PPARA: variants seen among roughly 807,000 people sequenced by gnomAD.
PPARA encodes the protein peroxisome proliferator activated receptor alpha, also known as peroxisome proliferator-activated receptor alpha.
In PPARA, 22 loss-of-function variants were observed where a neutral mutation model predicts 42.2. That is an observed-to-expected ratio of 0.52 (90% CI 0.37 to 0.74). The LOEUF (loss-of-function observed/expected upper bound fraction) is 0.74. Ranked by LOEUF, PPARA falls within the 30% of genes least tolerant of loss-of-function variation. PPARA has a pLI of 0.00. For synonymous variants in PPARA, 242 were observed against 239.3 expected (o/e 1.01, Z -0.10); for missense variants, 465 against 608.2 (o/e 0.76, Z 2.48).
Position 46,240,406 on chromosome 22 carries a change from C to A in PPARA, c.*5026C>A. On this transcript the variant is annotated 3_prime_UTR_variant, in exon 9 of 9. Transcript: ENST00000407236. The surrounding 1 kb of genome is among the most constrained non-coding windows in gnomAD (Gnocchi z 6.0). Reference sequence around the variant, plus strand: ...TCTAGACTCTTGCACCTGGTGAGTGCAAGGATAGGTGACCCAGGGGCCTGC... The same window carrying A: ...TCTAGACTCTTGCACCTGGTGAGTGAAAGGATAGGTGACCCAGGGGCCTGC... 1 of 396,124 alleles carries A rather than the reference C, an allele frequency of 2.5e-6. No individual in the cohort carries two copies. Among genetic ancestry groups the A allele is most frequent in the Non-Finnish European group, 4.4e-6 (1 of 225,046 alleles). 24.5% of individuals were successfully genotyped at this position (396,124 alleles called of 1,614,324 possible).
intron 7 of PPARA, among the ~76,000 whole-genome samples, chr22:46,223,650 A>T (rs1194562844): frequency 6.1e-5 from 9 of 146,372 alleles, no homozygotes; most frequent in Non-Finnish European, 1.2e-4. Context: ...CTCAAAAAAA[A>T]AAAAAAAAGA....
Position 46,156,882 on chromosome 22 carries a change from G to A in PPARA, c.-127+4912G>A, listed in dbSNP as rs943552775. 1.2e-4 allele frequency among the ~76,000 whole-genome samples: 19 copies of A among 152,206 alleles called. No individual in the cohort carries two copies. Among genetic ancestry groups the A allele is most frequent in the Non-Finnish European group, 2.8e-4 (19 of 68,044 alleles). ...CTCCCAAAGTCTTAGGATTACAGGC[G>A]TGAGCCACCACACCCGGCCTCCTGT... On this transcript the variant is annotated intron_variant, in intron 2 of 8. Transcript: ENST00000407236. The surrounding 1 kb of genome is among the most constrained non-coding windows in gnomAD (Gnocchi z 5.2).
In PPARA at chr22:46,161,479, G is replaced by A. The variant is rs1926160435; in HGVS notation, c.-127+9509G>A. On this transcript the variant is annotated intron_variant, in intron 2 of 8. Coordinates refer to ENST00000407236, the MANE Select transcript of PPARA (RefSeq NM_005036.6). This position sits in a 1 kb window ranked among gnomAD's most constrained non-coding sequence, Gnocchi z 4.8. ...GGTATGGCTGTAGTCCCAGCTACTC[G>A]GGAGGCTGAGGCAGGAGAATCACTT... Among the ~76,000 whole-genome samples the A allele has an allele frequency of 1.3e-5, 2 of 152,210 alleles. No individual in the cohort carries two copies. Among genetic ancestry groups the A allele is most frequent in the East Asian group, 3.9e-4 (2 of 5,174 alleles).
In PPARA at chr22:46,234,968, G is replaced by A. The variant is rs1021355865; in HGVS notation, c.1160-165G>A. On this transcript the variant is annotated intron_variant, in intron 8 of 8. Coordinates refer to ENST00000407236, the MANE Select transcript of PPARA (RefSeq NM_005036.6). The surrounding 1 kb of genome is among the most constrained non-coding windows in gnomAD (Gnocchi z 5.8). Reference sequence around the variant, plus strand: ...TGTCCCTACTTCACCTATTGACTTTGGAAAAACCTATGTCTATCTTCCAGT... The same window carrying A: ...TGTCCCTACTTCACCTATTGACTTTAGAAAAACCTATGTCTATCTTCCAGT... Among the ~76,000 whole-genome samples, 4 of 152,090 alleles carry A rather than the reference G, an allele frequency of 2.6e-5. No homozygotes were observed. The highest frequency in any genetic ancestry group is 1.3e-4 in the Admixed American group (2 of 15,272).
At position 46,225,315 on chromosome 22, in the gene PPARA, G is replaced by A. The variant is rs1935330952; in HGVS notation, c.711+5301G>A. The stretch of plus-strand genomic sequence containing the variant: ...CCTTGATTTGAGGGTAACAGGGATG[G>A]AAGCAGAGTCAGGGGGCTGAGGGAG... On this transcript the variant is annotated intron_variant, in intron 7 of 8. Coordinates refer to ENST00000407236, the MANE Select transcript of PPARA (RefSeq NM_005036.6). This position sits in a 1 kb window ranked among gnomAD's most constrained non-coding sequence, Gnocchi z 4.1. Among the ~76,000 whole-genome samples the A allele has an allele frequency of 6.6e-6, 1 of 152,172 alleles. No homozygotes were observed. The highest frequency in any genetic ancestry group is 1.5e-5 in the Non-Finnish European group (1 of 68,036).
At position 46,205,116 on chromosome 22, in the gene PPARA, G is replaced by A. The variant is rs138743873; in HGVS notation, c.208+6525G>A. Reference sequence around the variant, plus strand: ...TGGACTCAAGCGACCCTCCCACTTCGGCCTCCCAAAGTGCTGGGATTACAG... The same window carrying A: ...TGGACTCAAGCGACCCTCCCACTTCAGCCTCCCAAAGTGCTGGGATTACAG... On this transcript the variant is annotated intron_variant, in intron 4 of 8. Transcript: ENST00000407236. Among the ~76,000 whole-genome samples, 686 of 151,898 alleles carry A rather than the reference G, an allele frequency of 4.5e-3. 1 individual carries two copies. The highest frequency in any genetic ancestry group is 6.6e-3 in the Non-Finnish European group (449 of 67,948).
rs1433379293 is a variant in PPARA, at chr22:46,218,347, A to G, written c.454A>G (p.Lys152Glu). Residue 152 changes from lysine (K) to glutamate (E), a missense_variant, in exon 6 of 9, where the codon AAA becomes GAA. By Grantham distance (56) the Lys-to-Glu change is moderately conservative. This residue lies in a region of PPARA where 313 missense variants were observed against 469.1 expected (regional missense o/e 0.67). Transcript: ENST00000407236. ...SCKIQKKNRN[K>E]CQYCRFHKCL... Reference sequence around the variant, plus strand: ...CAAGATCCAGAAAAAGAACAGAAACAAATGCCAGTATTGTCGATTTCACAA... The same window carrying G: ...CAAGATCCAGAAAAAGAACAGAAACGAATGCCAGTATTGTCGATTTCACAA... 1.9e-6 allele frequency: 3 copies of G among 1,614,048 alleles called. No individual in the cohort carries two copies. The highest frequency in any genetic ancestry group is 2.2e-5 in the East Asian group (1 of 44,894).
chr22:46,186,351 A>T (rs1930801085), intron 3 of PPARA, among the ~76,000 whole-genome samples: 1 of 152,034 alleles, frequency 6.6e-6, no homozygotes, highest in Non-Finnish European at 1.5e-5. Context: ...AGTTTATTCA[A>T]GGGTGTATTT....
At chr22:46,207,683 T>TA (rs1569228343) in intron 4 of PPARA, among the ~76,000 whole-genome samples, 42 of 112,252 alleles carry the variant, frequency 3.7e-4, no homozygotes, top group East Asian at 1.8e-3. Context: ...TATTATTTTT[T>TA]TTTTTTTTTT....
intron 2 of PPARA, chr22:46,164,511 C>G (rs1926739756): frequency 6.6e-6 from 1 of 152,268 alleles, no homozygotes; most frequent in Non-Finnish European, 1.5e-5. Flanking sequence ...CCTCGGCCTC[C>G]CAAAGTGCTG....
At position 46,225,960 on chromosome 22, in the gene PPARA, TC is replaced by T. The variant is rs1419192802; in HGVS notation, c.712-5830del. Among the ~76,000 whole-genome samples, 2 of 149,992 alleles carry T rather than the reference TC, an allele frequency of 1.3e-5. No individual in the cohort carries two copies. The highest frequency in any genetic ancestry group is 3.9e-4 in the East Asian group (2 of 5,074). ...ACACATGCACCCAGGCACACACAAATCCACATTCACCCATACAGTCACACAC... is the reference window on the plus strand; with the variant it reads ...ACACATGCACCCAGGCACACACAAATCACATTCACCCATACAGTCACACAC... On this transcript the variant is annotated intron_variant, in intron 7 of 8. Transcript: ENST00000407236. The surrounding 1 kb of genome is among the most constrained non-coding windows in gnomAD (Gnocchi z 4.1).
intron 4 of PPARA, among the ~76,000 whole-genome samples, chr22:46,205,564 T>G (rs1227427804): frequency 1.4e-5 from 1 of 71,146 alleles, no homozygotes; most frequent in African/African-American, 5.1e-5. Flanking sequence ...ATTTTTTTTT[T>G]TTTTTTTTTT....
In PPARA at chr22:46,227,728, C is replaced by T. The variant is rs995557211; in HGVS notation, c.712-4064C>T. ...AAAATCTAGGCAGCTTCCTGCCTCA[C>T]GCTGTTTAAAACCTTTATAATGTGC... is the stretch of plus-strand genomic sequence containing the variant. On this transcript the variant is annotated intron_variant, in intron 7 of 8. Coordinates refer to ENST00000407236, the MANE Select transcript of PPARA (RefSeq NM_005036.6). This position sits in a 1 kb window ranked among gnomAD's most constrained non-coding sequence, Gnocchi z 4.3. Among the ~76,000 whole-genome samples, 1 of 152,184 alleles carries T rather than the reference C, an allele frequency of 6.6e-6. No individual in the cohort carries two copies. Among genetic ancestry groups the T allele is most frequent in the Non-Finnish European group, 1.5e-5 (1 of 68,038 alleles).
rs1461153951 is a variant in PPARA at position 46,231,269 on chromosome 22, A to T, written c.712-523A>T. Among the ~76,000 whole-genome samples, 1 of 148,968 alleles carries T rather than the reference A, an allele frequency of 6.7e-6. No individual in the cohort carries two copies. Among genetic ancestry groups the T allele is most frequent in the Non-Finnish European group, 1.5e-5 (1 of 67,692 alleles). ...AGTCTCGCTCTGTCACCCAGGCTGG[A>T]GTGCAGTGGCGCAATGTCGGCTCAC... On this transcript the variant is annotated intron_variant, in intron 7 of 8. Coordinates refer to ENST00000407236, the MANE Select transcript of PPARA (RefSeq NM_005036.6). The surrounding 1 kb of genome is among the most constrained non-coding windows in gnomAD (Gnocchi z 7.7).
chr22:46,218,967 G>C (rs1052204992), intron 6 of PPARA, among the ~76,000 whole-genome samples: 7 of 152,012 alleles, frequency 4.6e-5, no homozygotes, highest in Non-Finnish European at 1.0e-4. Flanking sequence ...TTTGAGACCA[G>C]CCTGGCGAAC....
Position 46,235,404 on chromosome 22 carries a change from T to C in PPARA, c.*24T>C. The C allele has an allele frequency of 1.9e-6, 3 of 1,611,216 alleles. No homozygotes were observed. The East Asian group carries it at 6.7e-5, about 36-fold the overall frequency. ...GAGTTCCTTCAGATCAGCCACACCT[T>C]TTCCAGGAGTTCTGAAGCTGACAGC... On this transcript the variant is annotated 3_prime_UTR_variant, in exon 9 of 9. Coordinates refer to ENST00000407236, the MANE Select transcript of PPARA (RefSeq NM_005036.6). The surrounding 1 kb of genome is among the most constrained non-coding windows in gnomAD (Gnocchi z 7.0).
rs775521538 is a variant in PPARA, at chr22:46,173,324, A to G, written c.-126-3429A>G. ...TTCCAAATAAGAAAGCCTTGGACAC[A>G]TTTCCAGTTGGCAAGCTGGCAAAAT... On this transcript the variant is annotated intron_variant, in intron 2 of 8. Transcript: ENST00000407236. The surrounding 1 kb of genome is among the most constrained non-coding windows in gnomAD (Gnocchi z 4.3). Among the ~76,000 whole-genome samples the G allele has an allele frequency of 3.3e-5, 5 of 152,220 alleles. No individual in the cohort carries two copies. Among genetic ancestry groups the G allele is most frequent in the Non-Finnish European group, 5.9e-5 (4 of 68,038 alleles).
chr22:46,216,350 T>C lies in PPARA; in HGVS notation c.369+1017T>C, dbSNP rs1253895273. ...GTGAGCTGAGATCGAGCCATTTCAC[T>C]CCAGCCTAGGCGACAAGAGTAAAAC... is the stretch of plus-strand genomic sequence containing the variant. On this transcript the variant is annotated intron_variant, in intron 5 of 8. Transcript: ENST00000407236. The surrounding 1 kb of genome is among the most constrained non-coding windows in gnomAD (Gnocchi z 4.5). Among the ~76,000 whole-genome samples the C allele has an allele frequency of 2.0e-5, 3 of 146,616 alleles. No individual in the cohort carries two copies. Among genetic ancestry groups the C allele is most frequent in the Non-Finnish European group, 4.5e-5 (3 of 67,314 alleles).
rs1347666510 is a variant in PPARA at position 46,216,592 on chromosome 22, G to A, written c.369+1259G>A. 6.6e-6 allele frequency among the ~76,000 whole-genome samples: 1 copy of A among 152,196 alleles called. No homozygotes were observed. The highest frequency in any genetic ancestry group is 1.5e-5 in the Non-Finnish European group (1 of 68,034). On this transcript the variant is annotated intron_variant, in intron 5 of 8. Transcript: ENST00000407236. The surrounding 1 kb of genome is among the most constrained non-coding windows in gnomAD (Gnocchi z 4.5). Reference sequence around the variant, plus strand: ...CCCACAGCCCCCAGCAGCAGGGACTGGAACCAGAGACTGGCTGCTCCTGCT... The same window carrying A: ...CCCACAGCCCCCAGCAGCAGGGACTAGAACCAGAGACTGGCTGCTCCTGCT...
Sources: allele counts gnomAD v4.1 joint callset (sites outside exome capture counted in the v4.1 genomes callset), GRCh38; gene constraint gnomAD v4.1.1; regional missense constraint gnomAD v4.1.1; non-coding constraint Gnocchi (gnomAD v3.1); transcripts MANE v1.5; gene names NCBI Gene and HGNC (gene_info 2026-07-23, HGNC 2026-07-21).